Variants in MCTP1 observed in about 807,000 individuals in gnomAD.
MCTP1 encodes multiple C2 and transmembrane domain-containing protein 1.
In MCTP1, 69 loss-of-function variants were observed where a neutral mutation model predicts 120.6. The observed-to-expected ratio is 0.57, with a 90% CI of 0.47 to 0.70. MCTP1 has a LOEUF of 0.70. Ranked by LOEUF, MCTP1 falls within the 30% of genes least tolerant of loss-of-function variation. MCTP1 has a pLI of 0.00. For missense variants in MCTP1, 1,203 were observed against 1,248.8 expected (o/e 0.96, Z 0.55); for synonymous variants, 529 against 493.1 (o/e 1.07, Z -0.96).
chr5:94,852,679 C>A (rs1423931023), intron 17 of MCTP1, among the ~76,000 whole-genome samples: 1 of 151,850 alleles, frequency 6.6e-6, no homozygotes, highest in African/African-American at 2.4e-5. Flanking sequence ...TTTTTCTTAG[C>A]TTGCAGACTA....
At chr5:94,913,644 T>C (rs1400797407) in intron 8 of MCTP1, among the ~76,000 whole-genome samples, 2 of 152,210 alleles carry the variant, frequency 1.3e-5, no homozygotes, top group African/African-American at 4.8e-5. Flanking sequence ...TTGGCAAGTA[T>C]GTTTCTGAAT....
At chr5:94,787,774 G>A (rs887371075) in intron 18 of MCTP1, among the ~76,000 whole-genome samples, 1 of 152,008 alleles carries the variant, frequency 6.6e-6, no homozygotes, top group African/African-American at 2.4e-5. Flanking sequence ...CCGCCATCGC[G>A]CCCGGCTAAT....
chr5:95,255,771 A>C (rs2152706765), intron 1 of MCTP1, among the ~76,000 whole-genome samples: 1 of 152,308 alleles, frequency 6.6e-6, no homozygotes. Context: ...AATTAAAGAC[A>C]TAAGCTAATC....
intron 1 of MCTP1, among the ~76,000 whole-genome samples, chr5:95,067,293 T>G (rs1750923719): frequency 6.6e-6 from 1 of 152,218 alleles, no homozygotes; most frequent in Non-Finnish European, 1.5e-5. Flanking sequence ...TTGAATGTTC[T>G]CACCACAAAG....
chr5:94,935,762 C>G (rs1179219282), intron 5 of MCTP1, among the ~76,000 whole-genome samples: 1 of 151,928 alleles, frequency 6.6e-6, no homozygotes, highest in South Asian at 2.1e-4. Flanking sequence ...GTAAAATTTG[C>G]CTTTATTCCT....
chr5:95,059,208 C>CATATATAT (rs60609185), intron 1 of MCTP1, among the ~76,000 whole-genome samples: 19 of 149,624 alleles, frequency 1.3e-4, no homozygotes, highest in Admixed American at 8.0e-4. Context: ...GAAAATGTGG[C>CATATATAT]ATATATATAT....
chr5:94,948,792 C>A (rs571436785), intron 3 of MCTP1, among the ~76,000 whole-genome samples: 1 of 152,038 alleles, frequency 6.6e-6, no homozygotes, highest in South Asian at 2.1e-4. Context: ...AAACTTGGAC[C>A]TCTAGATTCT....
intron 1 of MCTP1, 37 bp from the exon 2 acceptor site, chr5:95,017,521 T>G: frequency 7.8e-7 from 1 of 1,278,010 alleles, no homozygotes; most frequent in Non-Finnish European, 1.1e-6. Flanking sequence ...TTAAATTTAT[T>G]ATCTCTGTTC....
At chr5:95,019,911 C>T (rs867060826) in intron 1 of MCTP1, among the ~76,000 whole-genome samples, 9 of 152,012 alleles carry the variant, frequency 5.9e-5, no homozygotes, top group African/African-American at 2.2e-4. Context: ...ACAGTGTATA[C>T]GTGGGTCTAA....
chr5:94,740,179 G>A (rs1765192905), intron 19 of MCTP1, among the ~76,000 whole-genome samples: 1 of 152,158 alleles, frequency 6.6e-6, no homozygotes, highest in Non-Finnish European at 1.5e-5. Flanking sequence ...TTTAGACAAA[G>A]TCATTGAAAA....
rs561075677 is a variant in MCTP1 at position 95,219,360 on chromosome 5, C to T, written c.720+64496G>A. On this transcript the variant is annotated intron_variant, in intron 1 of 22. Coordinates refer to ENST00000515393, the MANE Select transcript of MCTP1 (RefSeq NM_024717.7). ...TCGCGTCACTGCACTCCAGCCTGGG[C>T]GACAGAGTGAGACTCCATCTCAAAA... Among the ~76,000 whole-genome samples, 739 of 135,546 alleles carry T rather than the reference C, an allele frequency of 5.5e-3. 2 individuals are homozygous for T. The highest frequency in any genetic ancestry group is 7.3e-3 in the Non-Finnish European group (477 of 65,156). The allele number at this position is 135,546 out of a possible 152,430, so 88.9% of individuals were successfully genotyped here.
At chr5:94,955,257 G>T (rs1316681188) in intron 2 of MCTP1, among the ~76,000 whole-genome samples, 1 of 152,166 alleles carries the variant, frequency 6.6e-6, no homozygotes. Flanking sequence ...CTTTTCCCAT[G>T]GTCTTCACAA....
rs569065264 is a variant in MCTP1, at chr5:94,704,069, G to C, written c.*3427C>G. On this transcript the variant is annotated 3_prime_UTR_variant, in exon 23 of 23. Transcript: ENST00000515393. The stretch of plus-strand genomic sequence containing the variant: ...CAGGAAAAAGAATTATAATTGAAAG[G>C]AATGACACTATTGTAAGAAAGAATT... 1 of 151,408 alleles carries C rather than the reference G, an allele frequency of 6.6e-6. No homozygotes were observed. The highest frequency in any genetic ancestry group is 2.4e-5 in the African/African-American group (1 of 41,402). 9.4% of individuals were successfully genotyped at this position (151,408 alleles called of 1,614,324 possible).
intron 5 of MCTP1, among the ~76,000 whole-genome samples, chr5:94,933,011 A>G (rs1035844986): frequency 6.6e-6 from 1 of 152,004 alleles, no homozygotes; most frequent in Non-Finnish European, 1.5e-5. Context: ...GAATGAATTT[A>G]GACATTCTAG....
intron 17 of MCTP1, among the ~76,000 whole-genome samples, chr5:94,846,552 G>T (rs1413359504): frequency 2.0e-5 from 3 of 152,138 alleles, no homozygotes; most frequent in Non-Finnish European, 4.4e-5. Flanking sequence ...CCTATCAGGT[G>T]CTATGCTTAC....
At chr5:94,864,968 C>T (rs1209864217) in intron 17 of MCTP1, among the ~76,000 whole-genome samples, 1 of 151,930 alleles carries the variant, frequency 6.6e-6, no homozygotes, top group Non-Finnish European at 1.5e-5. Context: ...TCCATGTCTA[C>T]AATAGATGAT....
chr5:95,223,336 C>A (rs993181484), intron 1 of MCTP1, among the ~76,000 whole-genome samples: 1 of 152,064 alleles, frequency 6.6e-6, no homozygotes, highest in African/African-American at 2.4e-5. Flanking sequence ...CCTGTAGTCC[C>A]AGCTACTCAG....
At chr5:94,976,834 A>C (rs1675717254) in intron 2 of MCTP1, 1 of 152,158 alleles carries the variant, frequency 6.6e-6, no homozygotes. Context: ...AAATTACCTC[A>C]TAATAAAGGC....
chr5:94,968,319 T>C (rs2153570999), intron 2 of MCTP1, among the ~76,000 whole-genome samples: 1 of 152,336 alleles, frequency 6.6e-6, no homozygotes, highest in South Asian at 2.1e-4. Flanking sequence ...TCACTATGAC[T>C]TTCCAAGAAG....
Sources: gnomAD v4.1 joint callset for allele counts (sites outside exome capture counted in the v4.1 genomes callset) on GRCh38, gnomAD v4.1.1 for gene constraint, MANE v1.5 for transcripts, NCBI Gene and HGNC (gene_info 2026-07-23, HGNC 2026-07-21) for gene names.